ST18: variants seen among roughly 807,000 people sequenced by gnomAD.
The protein encoded by ST18 is suppression of tumorigenicity 18 protein.
ST18 carries 50 observed loss-of-function variants against 110.0 expected under a neutral mutation model. The observed-to-expected ratio is 0.45, with a 90% CI of 0.36 to 0.58. The LOEUF (loss-of-function observed/expected upper bound fraction) is 0.58, where lower values mean the gene tolerates loss of function less well. Among genes scored for constraint, ST18 ranks in the 20% least tolerant of loss-of-function variants. ST18 has a pLI of 0.00. For missense variants in ST18, 1,306 were observed against 1,280.1 expected, an observed-to-expected ratio of 1.02 and a Z score of -0.31; for synonymous variants, 461 against 452.4, an observed-to-expected ratio of 1.02 and a Z score of -0.24.
intron 2 of ST18, among the ~76,000 whole-genome samples, chr8:52,361,712 G>A (rs555648292): frequency 1.1e-4 from 16 of 152,120 alleles, no homozygotes; most frequent in Non-Finnish European, 1.9e-4. Context: ...CATTAAGGAG[G>A]CTGAAAGAGG....
chr8:52,167,119 T>G (rs2063273046), intron 10 of ST18, 133 bp from the exon 11 acceptor site: 3 of 1,246,670 alleles, frequency 2.4e-6, no homozygotes, highest in Non-Finnish European at 3.3e-6. Context: ...CACATCGCCT[T>G]GAACAAGACC....
At chr8:52,312,276 T>C (rs1001477812) in intron 2 of ST18, among the ~76,000 whole-genome samples, 1 of 152,220 alleles carries the variant, frequency 6.6e-6, no homozygotes. Context: ...GGGGCACCCA[T>C]GACCCTTCAG....
intron 13 of ST18, among the ~76,000 whole-genome samples, chr8:52,163,543 A>T (rs1047795547): frequency 2.0e-5 from 3 of 152,190 alleles, no homozygotes; most frequent in African/African-American, 7.2e-5. Context: ...TGTTTTAAAT[A>T]CATTATATGT....
chr8:52,116,881 A>T (rs1183231687), intron 24 of ST18, among the ~76,000 whole-genome samples: 1 of 151,748 alleles, frequency 6.6e-6, no homozygotes, highest in South Asian at 2.1e-4. Context: ...GGGCCCAGCC[A>T]CCAGTGTGAC....
intron 2 of ST18, among the ~76,000 whole-genome samples, chr8:52,276,945 T>G (rs1307177336): frequency 2.6e-5 from 4 of 152,230 alleles, no homozygotes; most frequent in South Asian, 4.1e-4. Flanking sequence ...TTTTGTATTT[T>G]TAGTAGAGAC....
At chr8:52,129,815 T>C (rs539263014) in intron 22 of ST18, among the ~76,000 whole-genome samples, 5 of 152,022 alleles carry the variant, frequency 3.3e-5, no homozygotes, top group South Asian at 2.1e-4. Context: ...GAGGCCAAGG[T>C]GGGCAGATCA....
intron 2 of ST18, among the ~76,000 whole-genome samples, chr8:52,251,914 C>T (rs1032024893): frequency 9.9e-5 from 15 of 151,956 alleles, no homozygotes; most frequent in African/African-American, 3.4e-4. Flanking sequence ...ATTCTTTTTG[C>T]ATTTCATATC....
chr8:52,391,957 G>A (rs115745175), intron 2 of ST18, among the ~76,000 whole-genome samples: 234 of 152,310 alleles, frequency 1.5e-3, no homozygotes, highest in African/African-American at 5.5e-3. Flanking sequence ...TCTGGAGTTT[G>A]GAGGGCTGAG....
At chr8:52,131,544 G>T (rs1455603463) in intron 22 of ST18, among the ~76,000 whole-genome samples, 1 of 152,068 alleles carries the variant, frequency 6.6e-6, no homozygotes, top group Non-Finnish European at 1.5e-5. Flanking sequence ...CTACAATTTT[G>T]CCCCCAAATT....
At chr8:52,388,731 T>C (rs1400566285) in intron 2 of ST18, among the ~76,000 whole-genome samples, 1 of 142,070 alleles carries the variant, frequency 7.0e-6, no homozygotes, top group African/African-American at 2.7e-5. Flanking sequence ...TCTCAAAAGG[T>C]GTCTCTCCAC....
At chr8:52,158,668 C>T (rs138328894) in intron 15 of ST18, among the ~76,000 whole-genome samples, 91 of 152,306 alleles carry the variant, frequency 6.0e-4, no homozygotes, top group African/African-American at 2.1e-3. Context: ...AACTTTGGTA[C>T]CCCAACTTCA....
intron 2 of ST18, among the ~76,000 whole-genome samples, chr8:52,309,380 G>C (rs564649962): frequency 7.0e-4 from 107 of 152,160 alleles, no homozygotes; most frequent in Non-Finnish European, 1.4e-3. Context: ...AATCCGCCAG[G>C]TGTGGTGGCG....
At chr8:52,198,957 G>A (rs1422382980) in intron 8 of ST18, among the ~76,000 whole-genome samples, 1 of 152,094 alleles carries the variant, frequency 6.6e-6, no homozygotes, top group African/African-American at 2.4e-5. Flanking sequence ...GGAGCTGTGG[G>A]CACCTGGAAG....
chr8:52,262,433 T>C (rs976199469), intron 2 of ST18, among the ~76,000 whole-genome samples: 1 of 152,178 alleles, frequency 6.6e-6, no homozygotes, highest in Non-Finnish European at 1.5e-5. Context: ...AAACAAAATC[T>C]GTAAGCTTTA....
At chr8:52,122,653 T>C (rs1013707728) in intron 23 of ST18, among the ~76,000 whole-genome samples, 5 of 151,706 alleles carry the variant, frequency 3.3e-5, no homozygotes, top group Non-Finnish European at 7.4e-5. Flanking sequence ...CAGCTAATGT[T>C]TTTTTTTGTA....
At chr8:52,392,552 T>A (rs781639253) in intron 2 of ST18, among the ~76,000 whole-genome samples, 2 of 152,164 alleles carry the variant, frequency 1.3e-5, no homozygotes, top group Non-Finnish European at 2.9e-5. Flanking sequence ...AAAATTCCAA[T>A]ATTGTTACTG....
At chr8:52,226,364 C>A (rs952192827) in intron 3 of ST18, among the ~76,000 whole-genome samples, 2 of 152,130 alleles carry the variant, frequency 1.3e-5, no homozygotes, top group African/African-American at 4.8e-5. Context: ...GAGCAAAAAA[C>A]GCATCTCATG....
chr8:52,194,888 A>C (rs2075722868), intron 8 of ST18: 2 of 152,344 alleles, frequency 1.3e-5, no homozygotes, highest in South Asian at 4.1e-4. Flanking sequence ...TAATCCTCAC[A>C]TGGACCAAAG....
At chr8:52,196,548 G>A (rs1175305875) in intron 8 of ST18, among the ~76,000 whole-genome samples, 2 of 152,154 alleles carry the variant, frequency 1.3e-5, no homozygotes, top group African/African-American at 4.8e-5. Context: ...GTAGTCAACC[G>A]AGGTCTGAAA....
Sources: allele counts gnomAD v4.1 joint callset (sites outside exome capture counted in the v4.1 genomes callset), GRCh38; gene constraint gnomAD v4.1.1; transcripts MANE v1.5; gene names NCBI Gene and HGNC (gene_info 2026-07-23, HGNC 2026-07-21).